Variants in NETO2 observed in about 807,000 individuals in gnomAD.
The protein encoded by NETO2 is neuropilin and tolloid-like protein 2.
A neutral mutation model predicts 62.5 loss-of-function variants in NETO2; 28 were observed. The observed-to-expected ratio is 0.45, with a 90% CI of 0.33 to 0.61. The LOEUF is 0.61. Among genes scored for constraint, NETO2 ranks in the 20% least tolerant of loss-of-function variants. The pLI, the probability that NETO2 is intolerant of heterozygous loss-of-function variation, is 0.02. For synonymous variants in NETO2, 214 were observed against 219.1 expected, an observed-to-expected ratio of 0.98 and a Z score of 0.21; for missense variants, 548 against 643.2, an observed-to-expected ratio of 0.85 and a Z score of 1.60.
chr16:47,129,002 G>C (rs1045894104), intron 3 of NETO2, among the ~76,000 whole-genome samples: 1 of 152,154 alleles, frequency 6.6e-6, no homozygotes, highest in Admixed American at 6.5e-5. Flanking sequence ...ACATACTAAT[G>C]TACGTAGTTG....
intron 7 of NETO2, among the ~76,000 whole-genome samples, chr16:47,092,884 A>G (rs1054822425): frequency 6.6e-6 from 1 of 152,122 alleles, no homozygotes; most frequent in African/African-American, 2.4e-5. Context: ...TTCAGTTTTC[A>G]TCTTTCAGTC....
intron 1 of NETO2, 70 bp downstream of exon 1, chr16:47,143,509 C>T (rs1417550161): frequency 1.6e-6 from 2 of 1,213,518 alleles, no homozygotes; most frequent in Non-Finnish European, 2.1e-6. Context: ...GACGCAGAGG[C>T]GCGGGCAGGG....
chr16:47,142,936 C>G (rs1347686946), intron 1 of NETO2, among the ~76,000 whole-genome samples: 1 of 151,982 alleles, frequency 6.6e-6, no homozygotes, highest in African/African-American at 2.4e-5. Context: ...CGCCGCGTCC[C>G]GGGAAGCACC....
intron 6 of NETO2, among the ~76,000 whole-genome samples, chr16:47,118,026 T>C (rs1245400833): frequency 4.6e-5 from 7 of 152,202 alleles, no homozygotes; most frequent in Non-Finnish European, 1.0e-4. Context: ...TTAACCAGAT[T>C]TTCCTAGTTC....
At chr16:47,133,393 GAA>G (rs370625104) in intron 1 of NETO2, among the ~76,000 whole-genome samples, 2 of 134,960 alleles carry the variant, frequency 1.5e-5, no homozygotes, top group Non-Finnish European at 1.6e-5. Flanking sequence ...TGTCTCTACG[GAA>G]AAAAAAAAAA....
In NETO2 at chr16:47,129,378, G is replaced by A. The variant is rs760030972; in HGVS notation, c.92-14C>T. ...TATTTTGTCCATCTTAGGGAAAAAC[G>A]GCATTTAAAACACTCATTACAGCAA... On this transcript the variant is annotated splice_polypyrimidine_tract_variant and intron_variant, in intron 2 of 8. Coordinates refer to ENST00000562435, the MANE Select transcript of NETO2 (RefSeq NM_018092.5). 8.7e-6 allele frequency: 14 copies of A among 1,612,306 alleles called. No individual in the cohort carries two copies. The highest frequency in any genetic ancestry group is 6.7e-5 in the African/African-American group (5 of 74,832).
chr16:47,101,296 G>C (rs530579716), intron 7 of NETO2, among the ~76,000 whole-genome samples: 2 of 152,240 alleles, frequency 1.3e-5, no homozygotes, highest in East Asian at 1.9e-4. Context: ...CAAATAATTA[G>C]AGGGATTTAT....
Position 47,082,417 on chromosome 16 carries a change from T to G in NETO2, c.*804A>C, listed in dbSNP as rs1963087440. On this transcript the variant is annotated 3_prime_UTR_variant, in exon 9 of 9. Coordinates refer to ENST00000562435, the MANE Select transcript of NETO2 (RefSeq NM_018092.5). The stretch of plus-strand genomic sequence containing the variant: ...GGGCTGTCACTGAATGTGACTATAC[T>G]TGGTAAACTTCAAAGGCTTGCTAGA... 6.6e-6 allele frequency: 1 copy of G among 152,262 alleles called. No individual in the cohort carries two copies. The highest frequency in any genetic ancestry group is 2.1e-4 in the South Asian group (1 of 4,834). The allele number at this position is 152,262 out of a possible 1,614,324, so 9.4% of individuals were successfully genotyped here. A position where few individuals can be genotyped will look rare whatever the true frequency, so the allele number is the denominator to read the frequency against.
Position 47,143,707 on chromosome 16 carries a change from G to A in NETO2, c.-95C>T. On this transcript the variant is annotated 5_prime_UTR_variant, in exon 1 of 9. It adds an upstream start codon to the 5' untranslated region. Coordinates refer to ENST00000562435, the MANE Select transcript of NETO2 (RefSeq NM_018092.5). ...GGCGCGGCGGCGACGGCCCCACTCCGTCCCCATCGCCGGCCAGCAGCTGCC... is the reference window on the plus strand; with the variant it reads ...GGCGCGGCGGCGACGGCCCCACTCCATCCCCATCGCCGGCCAGCAGCTGCC... 1.7e-6 allele frequency: 2 copies of A among 1,203,638 alleles called. No homozygotes were observed. Among genetic ancestry groups the A allele is most frequent in the East Asian group, 6.7e-5 (2 of 29,682 alleles). The allele number at this position is 1,203,638 out of a possible 1,614,324, so 74.6% of individuals were successfully genotyped here.
chr16:47,106,188 G>C lies in NETO2; in HGVS notation c.883+3295C>G, dbSNP rs549772764. On this transcript the variant is annotated intron_variant, in intron 7 of 8. Transcript: ENST00000562435. ...ATGAACCTTGAAATCATTATGCTAA[G>C]TGAAATAAGCCAGACATAAAAGGAC... is the stretch of plus-strand genomic sequence containing the variant. 3.9e-5 allele frequency among the ~76,000 whole-genome samples: 6 copies of C among 152,256 alleles called. No individual in the cohort carries two copies. In the South Asian group the frequency reaches 1.2e-3, roughly 32 times the overall value.
rs998035056 is a variant in NETO2 at position 47,143,539 on chromosome 16, C to G, written c.34+40G>C. The G allele has an allele frequency of 3.2e-5, 39 of 1,220,702 alleles. No individual in the cohort carries two copies. The African/African-American group carries it at 5.5e-4, about 17-fold the overall frequency. 75.6% of individuals were successfully genotyped at this position (1,220,702 alleles called of 1,614,324 possible). ...GCAGGGCGGCGCGCCAGCCTCGGCC[C>G]GCAGGGGGCGCCGTCCGTGGCCCCA... On this transcript the variant is annotated intron_variant, in intron 1 of 8. Transcript: ENST00000562435.
chr16:47,083,508 C>T lies in NETO2; in HGVS notation c.1291G>A (p.Ala431Thr), dbSNP rs555638989. 71 of 1,614,118 alleles carry T rather than the reference C, an allele frequency of 4.4e-5. No individual in the cohort carries two copies. Among genetic ancestry groups the T allele is most frequent in the Non-Finnish European group, 5.6e-5 (66 of 1,180,026 alleles). The change falls in exon 9 of 9, where the codon GCC becomes ACC. Residue 431 changes from alanine to threonine, a missense_variant. Ala to Thr is a moderately conservative substitution (Grantham distance 58). Coordinates refer to ENST00000562435, the MANE Select transcript of NETO2 (RefSeq NM_018092.5). Reference protein sequence around the residue: ...NYQKMRRSSTASRCIHDHHCG... With the variant: ...NYQKMRRSSTTSRCIHDHHCG... The stretch of plus-strand genomic sequence containing the variant: ...TGGTGGTCGTGGATGCAGCGGGAGG[C>T]GGTGGAGGAGCGCCGCATCTTCTGG...
At chr16:47,093,844 C>T (rs1963367516) in intron 7 of NETO2, among the ~76,000 whole-genome samples, 1 of 152,232 alleles carries the variant, frequency 6.6e-6, no homozygotes, top group South Asian at 2.1e-4. Context: ...CTTACTGTCA[C>T]ACTTTTGTAT....
chr16:47,140,293 T>C (rs2083757887), intron 1 of NETO2, among the ~76,000 whole-genome samples: 2 of 152,180 alleles, frequency 1.3e-5, no homozygotes, highest in Admixed American at 6.5e-5. Flanking sequence ...ATAATTTCAA[T>C]CTCCAGTGCC....
chr16:47,083,021 G>C lies in NETO2; in HGVS notation c.*200C>G, dbSNP rs114112349. ...AATAGAGATGATTATTGTTTCCACT[G>C]AATAGAGTAAGTTCCTTGATTGGTT... On this transcript the variant is annotated 3_prime_UTR_variant, in exon 9 of 9. Coordinates refer to ENST00000562435, the MANE Select transcript of NETO2 (RefSeq NM_018092.5). 1,895 of 517,766 alleles carry C rather than the reference G, an allele frequency of 3.7e-3. 26 individuals are homozygous for C. The highest frequency in any genetic ancestry group is 0.033 in the African/African-American group (1,737 of 52,584). The allele number at this position is 517,766 out of a possible 1,614,324, so 32.1% of individuals were successfully genotyped here.
Position 47,078,630 on chromosome 16 carries a change from T to C in NETO2, c.*4591A>G, listed in dbSNP as rs1019895027. 1 of 152,238 alleles carries C rather than the reference T, an allele frequency of 6.6e-6. No homozygotes were observed. Among genetic ancestry groups the C allele is most frequent in the African/African-American group, 2.4e-5 (1 of 41,462 alleles). The allele number at this position is 152,238 out of a possible 1,614,324, so 9.4% of individuals were successfully genotyped here. A position where few individuals can be genotyped will look rare whatever the true frequency, so the allele number is the denominator to read the frequency against. ...CAGAAAACTAAAATATCCAAGATAA[T>C]CTTGTTATTTACAGTAACTCAAACT... On this transcript the variant is annotated 3_prime_UTR_variant, in exon 9 of 9. Transcript: ENST00000562435.
intron 7 of NETO2, among the ~76,000 whole-genome samples, chr16:47,108,641 G>C (rs147003396): frequency 2.4e-4 from 37 of 152,318 alleles, no homozygotes; most frequent in Non-Finnish European, 5.3e-4. Flanking sequence ...GATGCAGACA[G>C]AGTAACTGTC....
rs1202264427 is a variant in NETO2 at position 47,128,608 on chromosome 16, A to C, written c.233-35T>G. 7 of 1,592,336 alleles carry C rather than the reference A, an allele frequency of 4.4e-6. No homozygotes were observed. The Admixed American group carries it at 1.2e-4, about 27-fold the overall frequency. On this transcript the variant is annotated intron_variant, in intron 3 of 8. Coordinates refer to ENST00000562435, the MANE Select transcript of NETO2 (RefSeq NM_018092.5). ...AAGAGTAAGCAAATCAGGACAACACAAACAAGAAAGAATATAAATGTATTG... is the reference window on the plus strand; with the variant it reads ...AAGAGTAAGCAAATCAGGACAACACCAACAAGAAAGAATATAAATGTATTG...
At chr16:47,129,067 AAT>A (rs1964212928) in intron 3 of NETO2, among the ~76,000 whole-genome samples, 155 bp downstream of exon 3, 1 of 152,362 alleles carries the variant, frequency 6.6e-6, no homozygotes, top group African/African-American at 2.4e-5. Context: ...GTATCTTGTT[AAT>A]GTATTCAATA....
Sources: allele counts gnomAD v4.1 joint callset (sites outside exome capture counted in the v4.1 genomes callset), GRCh38; gene constraint gnomAD v4.1.1; transcripts MANE v1.5; gene names NCBI Gene and HGNC (gene_info 2026-07-23, HGNC 2026-07-21).